Variants in PPP1CB observed in about 807,000 individuals in gnomAD.
The protein encoded by PPP1CB is serine/threonine-protein phosphatase PP1-beta catalytic subunit.
Under a neutral mutation model 43.7 loss-of-function variants are expected in PPP1CB, and 2 were observed. That is an observed-to-expected ratio of 0.05 (90% confidence interval 0.02 to 0.14). PPP1CB has a LOEUF of 0.14. Ranked by LOEUF, PPP1CB falls within the 10% of genes least tolerant of loss-of-function variation. PPP1CB has a pLI of 1.00. For synonymous variants in PPP1CB, 136 were observed against 135.6 expected, an observed-to-expected ratio of 1.00 and a Z score of -0.02; for missense variants, 84 against 398.0, an observed-to-expected ratio of 0.21 and a Z score of 6.71.
intron 5 of PPP1CB, among the ~76,000 whole-genome samples, chr2:28,788,158 T>G (rs919290872): frequency 1.3e-5 from 2 of 151,576 alleles, no homozygotes; most frequent in Non-Finnish European, 1.5e-5. Context: ...AAGACAATCC[T>G]GAAAAAAAAA....
At chr2:28,793,077 G>A (rs1667420757) in intron 6 of PPP1CB, among the ~76,000 whole-genome samples, 1 of 152,068 alleles carries the variant, frequency 6.6e-6, no homozygotes, top group Non-Finnish European at 1.5e-5. Flanking sequence ...TTGCTGGTGG[G>A]TGCGTGTAGT....
intron 1 of PPP1CB, 63 bp from the exon 2 acceptor site, chr2:28,776,788 C>CT: frequency 1.3e-6 from 2 of 1,512,220 alleles, no homozygotes; most frequent in Admixed American, 1.8e-5. Flanking sequence ...GGGCATGACT[C>CT]TTTTTGAAAG....
chr2:28,759,662 G>T lies in PPP1CB; in HGVS notation c.52+7486G>T, dbSNP rs566574122. Among the ~76,000 whole-genome samples, 523 of 150,222 alleles carry T rather than the reference G, an allele frequency of 3.5e-3. 2 individuals are homozygous for T. Among genetic ancestry groups the T allele is most frequent in the African/African-American group, 0.012 (481 of 40,868 alleles). ...GACAGAGTTTCGCTCTTGTTGCCCA[G>T]GCTGGAGTGCAGTGACGCGATCTCA... On this transcript the variant is annotated intron_variant, in intron 1 of 7. Transcript: ENST00000395366.
At chr2:28,757,708 T>G (rs1004146026) in intron 1 of PPP1CB, among the ~76,000 whole-genome samples, 3 of 152,294 alleles carry the variant, frequency 2.0e-5, no homozygotes, top group Admixed American at 1.3e-4. Flanking sequence ...TCGTGGCATA[T>G]TTTTTAACTG....
At chr2:28,792,030 C>A (rs1691177885) in intron 6 of PPP1CB, among the ~76,000 whole-genome samples, 1 of 151,272 alleles carries the variant, frequency 6.6e-6, no homozygotes, top group African/African-American at 2.4e-5. Context: ...AACACGAAAC[C>A]CTGTCTCTAC....
intron 1 of PPP1CB, among the ~76,000 whole-genome samples, chr2:28,776,175 G>A (rs1056098998): frequency 4.6e-5 from 7 of 151,066 alleles, no homozygotes; most frequent in African/African-American, 1.7e-4. Context: ...TACTAGATGC[G>A]AGATAAGCAG....
At chr2:28,790,235 C>A (rs935452447) in intron 6 of PPP1CB, among the ~76,000 whole-genome samples, 4 of 150,890 alleles carry the variant, frequency 2.7e-5, no homozygotes, top group Admixed American at 2.0e-4. Flanking sequence ...GAGTGTAGAT[C>A]GTACCATTTC....
At chr2:28,774,584 C>G (rs1666991019) in intron 1 of PPP1CB, among the ~76,000 whole-genome samples, 1 of 152,122 alleles carries the variant, frequency 6.6e-6, no homozygotes, top group Non-Finnish European at 1.5e-5. Context: ...CGCCACCACT[C>G]CCGGCTAATT....
intron 1 of PPP1CB, among the ~76,000 whole-genome samples, chr2:28,753,923 GAC>G (rs923033385): frequency 4.6e-5 from 7 of 151,930 alleles, no homozygotes; most frequent in African/African-American, 1.7e-4. Flanking sequence ...TTTTTGTAGA[GAC>G]GGAGGTTTCA....
At chr2:28,794,158 CAA>C (rs1667446844) in intron 7 of PPP1CB, among the ~76,000 whole-genome samples, 161 bp downstream of exon 7, 1 of 152,242 alleles carries the variant, frequency 6.6e-6, no homozygotes, top group Non-Finnish European at 1.5e-5. Context: ...TTTTCAGTCA[CAA>C]AGTTTCCAGC....
chr2:28,766,254 C>T (rs2148040922), intron 1 of PPP1CB, among the ~76,000 whole-genome samples: 1 of 152,264 alleles, frequency 6.6e-6, no homozygotes, highest in South Asian at 2.1e-4. Context: ...CCATCAAAAT[C>T]CTGTGTGGTT....
At chr2:28,795,962 A>C (rs1667488446) in intron 7 of PPP1CB, among the ~76,000 whole-genome samples, 1 of 152,078 alleles carries the variant, frequency 6.6e-6, no homozygotes, top group South Asian at 2.1e-4. Context: ...TCTTGAGTTA[A>C]TTTTTGTGTA....
At chr2:28,787,094 C>G (rs1667284325) in intron 5 of PPP1CB, among the ~76,000 whole-genome samples, 1 of 152,040 alleles carries the variant, frequency 6.6e-6, no homozygotes, top group East Asian at 1.9e-4. Context: ...ATGAAGATGC[C>G]CTTTCCTCCT....
intron 1 of PPP1CB, among the ~76,000 whole-genome samples, chr2:28,752,748 C>G (rs954166693): frequency 1.7e-4 from 26 of 152,140 alleles, no homozygotes; most frequent in African/African-American, 6.0e-4. Flanking sequence ...ATAAAATTAG[C>G]GGGAATTAAT....
In PPP1CB at chr2:28,776,265, G is replaced by GTTT. The variant is rs111463886; in HGVS notation, c.53-578_53-576dup. Among the ~76,000 whole-genome samples, 147 of 146,720 alleles carry GTTT rather than the reference G, an allele frequency of 1.0e-3. 1 individual carries two copies. The highest frequency in any genetic ancestry group is 3.6e-3 in the African/African-American group (145 of 40,132). On this transcript the variant is annotated intron_variant, in intron 1 of 7. Transcript: ENST00000395366. ...GTTGTTGTTTTTTTTCTGTTTGTTT[G>GTTT]TTTTTTTTTTATTTGAGACGGAGTC...
chr2:28,756,099 TGTA>T (rs1383367167), intron 1 of PPP1CB, among the ~76,000 whole-genome samples: 1 of 152,254 alleles, frequency 6.6e-6, no homozygotes, highest in African/African-American at 2.4e-5. Context: ...TAATTTTTCA[TGTA>T]GTATTACATC....
At chr2:28,766,995 C>T (rs531572427) in intron 1 of PPP1CB, among the ~76,000 whole-genome samples, 16 of 151,792 alleles carry the variant, frequency 1.1e-4, no homozygotes, top group African/African-American at 2.4e-4. Flanking sequence ...GCAGGAGAAT[C>T]GCGTGAACCA....
In PPP1CB at chr2:28,753,452, C is replaced by T. The variant is rs573181321; in HGVS notation, c.52+1276C>T. ...ATTTGCTCCAGATGTGAAAGCCATC[C>T]AGCAGTCTTAAGACTGAATAGGAAG... On this transcript the variant is annotated intron_variant, in intron 1 of 7. Transcript: ENST00000395366. Among the ~76,000 whole-genome samples, 95 of 152,238 alleles carry T rather than the reference C, an allele frequency of 6.2e-4. 1 individual carries two copies. The highest frequency in any genetic ancestry group is 4.7e-4 in the Non-Finnish European group (32 of 68,020).
chr2:28,777,191 G>A (rs1667060543), intron 2 of PPP1CB: 1 of 353,366 alleles, frequency 2.8e-6, no homozygotes, highest in African/African-American at 2.1e-5. Context: ...GATAAAAGGA[G>A]TTCTATTTAT....
Sources: allele counts gnomAD v4.1 joint callset (sites outside exome capture counted in the v4.1 genomes callset), GRCh38; gene constraint gnomAD v4.1.1; transcripts MANE v1.5; gene names NCBI Gene and HGNC (gene_info 2026-07-23, HGNC 2026-07-21).